Variants in OR2AT4 observed in about 807,000 individuals in gnomAD.
OR2AT4 encodes the protein olfactory receptor family 2 subfamily AT member 4.
Under a neutral mutation model 10.3 loss-of-function variants are expected in OR2AT4, and 6 were observed. That is an observed-to-expected ratio of 0.58 (90% CI 0.32 to 1.15). The LOEUF is 1.15. Among genes scored for constraint, OR2AT4 ranks in the 50% most tolerant of loss-of-function variants. The probability of loss-of-function intolerance (pLI) is 0.05; values close to 1 mark genes in which losing one functional copy is unlikely to be tolerated. For synonymous variants in OR2AT4, 145 were observed against 159.1 expected (o/e 0.91, Z 0.67); for missense variants, 354 against 393.8 (o/e 0.90, Z 0.85).
At chr11:75,084,050 A>C (rs1455127162) in exon 2 of OR2AT4, 1 of 152,188 alleles carries the variant, frequency 6.6e-6, no homozygotes, top group African/African-American at 2.4e-5. Context: ...AAAAGAATGA[A>C]ATCATGGATG....
intron 1 of OR2AT4, among the ~76,000 whole-genome samples, chr11:75,094,758 C>T (rs1243604433): frequency 6.6e-6 from 1 of 152,074 alleles, no homozygotes; most frequent in Non-Finnish European, 1.5e-5. Flanking sequence ...TTAAACAAAA[C>T]AAATAAACAA....
chr11:75,086,133 T>C (rs909643488), exon 2 of OR2AT4: 2 of 152,268 alleles, frequency 1.3e-5, no homozygotes, highest in African/African-American at 2.4e-5. Flanking sequence ...TATGTTCATA[T>C]GCACACAAAA....
chr11:75,096,573 G>T (rs1223106224), intron 1 of OR2AT4, among the ~76,000 whole-genome samples: 1 of 152,144 alleles, frequency 6.6e-6, no homozygotes, highest in Non-Finnish European at 1.5e-5. Context: ...ATCGTCATCA[G>T]CTTTGCCTCC....
chr11:75,088,675 T>C (rs553797690), exon 2 of OR2AT4: 24 of 1,291,342 alleles, frequency 1.9e-5, no homozygotes, highest in Middle Eastern at 2.0e-4. Flanking sequence ...TATTTCATTA[T>C]CATGTATTGA....
exon 2 of OR2AT4, chr11:75,089,501 G>A (rs1248632293): frequency 6.2e-7 from 1 of 1,614,222 alleles, no homozygotes; most frequent in Admixed American, 1.7e-5. Flanking sequence ...CCAAGGTGGA[G>A]AGATTGATCA....
At chr11:75,090,695 C>G (rs928234703) in intron 1 of OR2AT4, among the ~76,000 whole-genome samples, 1 of 152,154 alleles carries the variant, frequency 6.6e-6, no homozygotes, top group African/African-American at 2.4e-5. Flanking sequence ...TTGAGGCACT[C>G]TAAATGCATA....
intron 1 of OR2AT4, 126 bp from the exon 2 acceptor site, chr11:75,090,490 T>C (rs1397390492): frequency 1.3e-5 from 2 of 152,232 alleles, no homozygotes; most frequent in South Asian, 2.1e-4. Context: ...AAGGATGAGA[T>C]GAAGGCAAAC....
exon 2 of OR2AT4, chr11:75,084,977 T>C (rs1949282979): frequency 6.6e-6 from 1 of 151,884 alleles, no homozygotes; most frequent in Non-Finnish European, 1.5e-5. Flanking sequence ...GTCAGGAAAT[T>C]AGAAAAATGA....
exon 2 of OR2AT4, chr11:75,084,985 T>G (rs1949283036): frequency 6.6e-6 from 1 of 151,432 alleles, no homozygotes; most frequent in Admixed American, 6.6e-5. Context: ...ATTAGAAAAA[T>G]GATCAAATTA....
At chr11:75,084,271 A>T (rs1404826318) in exon 2 of OR2AT4, 1 of 152,218 alleles carries the variant, frequency 6.6e-6, no homozygotes. Flanking sequence ...GGGTGACGGG[A>T]TCATTCATAT....
chr11:75,089,231 G>T (rs777053927), exon 2 of OR2AT4: 2 of 1,614,224 alleles, frequency 1.2e-6, no homozygotes, highest in South Asian at 2.2e-5. Context: ...CTGCTGGGAT[G>T]GGCAGGAGGA....
chr11:75,087,600 C>T (rs1949296829), exon 2 of OR2AT4: 1 of 152,104 alleles, frequency 6.6e-6, no homozygotes, highest in African/African-American at 2.4e-5. Flanking sequence ...AACAGACAAA[C>T]AACAACAACA....
At chr11:75,094,874 A>G (rs750454211) in intron 1 of OR2AT4, among the ~76,000 whole-genome samples, 26 of 152,210 alleles carry the variant, frequency 1.7e-4, no homozygotes, top group Non-Finnish European at 3.7e-4. Context: ...CTGCACCTCC[A>G]CTTAAGAGAT....
rs539279169 is a variant in OR2AT4 at position 75,082,397 on chromosome 11, A to C, written c.*6354T>G. 13 of 152,240 alleles carry C rather than the reference A, an allele frequency of 8.5e-5. No individual in the cohort carries two copies. The East Asian group carries it at 2.3e-3, about 27-fold the overall frequency. The allele number at this position is 152,240 out of a possible 1,614,324, so 9.4% of individuals were successfully genotyped here. Reference sequence around the variant, plus strand: ...GCACACCAACATGGCACACGTATACATATGTAACAAACCTGCACGTTTTGC... The same window carrying C: ...GCACACCAACATGGCACACGTATACCTATGTAACAAACCTGCACGTTTTGC... On this transcript the variant is annotated 3_prime_UTR_variant, in exon 2 of 2. Transcript: ENST00000641504.
exon 2 of OR2AT4, chr11:75,087,323 A>T (rs1949295863): frequency 6.6e-6 from 1 of 152,232 alleles, no homozygotes; most frequent in Non-Finnish European, 1.5e-5. Flanking sequence ...TGTAAATATA[A>T]AACCATGCAT....
At chr11:75,089,969 G>A (rs1949314231) in exon 2 of OR2AT4, 1 of 453,926 alleles carries the variant, frequency 2.2e-6, no homozygotes, top group South Asian at 4.8e-5. Flanking sequence ...ATAGAAGTCT[G>A]TATGCTTTGT....
At chr11:75,083,879 G>A in exon 2 of OR2AT4, 1 of 152,102 alleles carries the variant, frequency 6.6e-6, no homozygotes, top group Non-Finnish European at 1.5e-5. Context: ...GCTGAGGCAG[G>A]AGAATCACTT....
exon 2 of OR2AT4, chr11:75,089,216 T>A: frequency 6.2e-7 from 1 of 1,614,160 alleles, no homozygotes; most frequent in Non-Finnish European, 8.5e-7. Flanking sequence ...GGGAGGTCCT[T>A]ACTACTGCTG....
chr11:75,093,800 TTTTC>T (rs1430505906), intron 1 of OR2AT4, among the ~76,000 whole-genome samples: 1 of 111,158 alleles, frequency 9.0e-6, no homozygotes, highest in Non-Finnish European at 1.7e-5. Context: ...TTTTTTTTCT[TTTTC>T]TTTTTCTTTT....
Sources: gnomAD v4.1 joint callset for allele counts (sites outside exome capture counted in the v4.1 genomes callset) on GRCh38, gnomAD v4.1.1 for gene constraint, MANE v1.5 for transcripts, NCBI Gene and HGNC (gene_info 2026-07-23, HGNC 2026-07-21) for gene names.